Variants in CDH9 observed in about 807,000 individuals in gnomAD.
CDH9 encodes the protein cadherin-9.
CDH9 carries 28 observed loss-of-function variants against 70.9 expected under a neutral mutation model. The observed-to-expected ratio is 0.40, with a 90% CI of 0.29 to 0.54. The LOEUF is 0.54. Ranked by LOEUF, CDH9 falls within the 20% of genes least tolerant of loss-of-function variation. The probability of loss-of-function intolerance (pLI) is 0.59; values close to 1 mark genes in which losing one functional copy is unlikely to be tolerated. For synonymous variants in CDH9, 409 were observed against 343.1 expected, an observed-to-expected ratio of 1.19 and a Z score of -2.12; for missense variants, 874 against 984.4, an observed-to-expected ratio of 0.89 and a Z score of 1.50.
chr5:27,029,239 T>G (rs1451826082), intron 1 of CDH9, among the ~76,000 whole-genome samples: 1 of 152,014 alleles, frequency 6.6e-6, no homozygotes, highest in Admixed American at 6.6e-5. Flanking sequence ...AGATTATTGG[T>G]TTCAATTTTA....
At chr5:27,012,411 C>A (rs1742974671) in intron 1 of CDH9, among the ~76,000 whole-genome samples, 1 of 151,816 alleles carries the variant, frequency 6.6e-6, no homozygotes, top group Admixed American at 6.6e-5. Flanking sequence ...AATCTCTTTT[C>A]TTCAGTCTAT....
chr5:26,913,176 T>C (rs1245901784), intron 3 of CDH9, among the ~76,000 whole-genome samples: 2 of 152,142 alleles, frequency 1.3e-5, no homozygotes, highest in Non-Finnish European at 2.9e-5. Context: ...ATTAGGCTAG[T>C]AGTAACTTGG....
At chr5:26,951,291 CA>C (rs796799417) in intron 2 of CDH9, among the ~76,000 whole-genome samples, 181 of 86,148 alleles carry the variant, frequency 2.1e-3, no homozygotes, top group African/African-American at 8.4e-3. Flanking sequence ...GACTCTGTCT[CA>C]AAAAAAAAAA....
At chr5:26,900,881 T>C (rs767638984) in intron 7 of CDH9, among the ~76,000 whole-genome samples, 8 of 152,024 alleles carry the variant, frequency 5.3e-5, no homozygotes, top group Non-Finnish European at 1.2e-4. Flanking sequence ...CAACCCCTTG[T>C]CCTTTAAAAA....
chr5:27,011,479 G>A (rs1323765595), intron 1 of CDH9, among the ~76,000 whole-genome samples: 2 of 151,990 alleles, frequency 1.3e-5, no homozygotes, highest in Non-Finnish European at 2.9e-5. Flanking sequence ...AGCTAGAAAA[G>A]ACAAAGAAAG....
chr5:27,012,354 G>A lies in CDH9; in HGVS notation c.-49-23972C>T, dbSNP rs115733733. Reference sequence around the variant, plus strand: ...GATGGCAATTATGAATATTTCATTAGGATTTTATCTAAATAATCTATTATT... The same window carrying A: ...GATGGCAATTATGAATATTTCATTAAGATTTTATCTAAATAATCTATTATT... On this transcript the variant is annotated intron_variant, in intron 1 of 11. Transcript: ENST00000231021. 9.2e-3 allele frequency among the ~76,000 whole-genome samples: 1,390 copies of A among 151,768 alleles called. 29 individuals are homozygous for A. Among genetic ancestry groups the A allele is most frequent in the African/African-American group, 0.032 (1,313 of 41,426 alleles).
intron 2 of CDH9, among the ~76,000 whole-genome samples, chr5:26,985,262 G>C (rs1158319499): frequency 1.3e-5 from 2 of 151,888 alleles, no homozygotes; most frequent in African/African-American, 2.4e-5. Context: ...AATATTTCTA[G>C]CTCTTCTTGT....
rs897360043 is a variant in CDH9, at chr5:27,032,971, T to G, written c.-50+5492A>C. ...TAGTTTGAGATAGCATTAACTTCTA[T>G]GTTATATATTTCTCATCCACTGTAA... On this transcript the variant is annotated intron_variant, in intron 1 of 11. Transcript: ENST00000231021. Among the ~76,000 whole-genome samples, 5 of 151,380 alleles carry G rather than the reference T, an allele frequency of 3.3e-5. No individual in the cohort carries two copies. The East Asian group carries it at 9.8e-4, about 30-fold the overall frequency.
At chr5:26,925,251 G>A (rs1216526679) in intron 2 of CDH9, among the ~76,000 whole-genome samples, 2 of 152,084 alleles carry the variant, frequency 1.3e-5, no homozygotes, top group East Asian at 3.9e-4. Context: ...ATTCTAACTG[G>A]TGTGAGATAG....
At chr5:26,902,802 A>G in intron 6 of CDH9, 73 bp from the exon 7 acceptor site, 1 of 807,038 alleles carries the variant, frequency 1.2e-6, no homozygotes, top group Non-Finnish European at 2.0e-6. Flanking sequence ...TTCAAATTTT[A>G]ATAGCCAGCG....
intron 2 of CDH9, among the ~76,000 whole-genome samples, chr5:26,930,906 GC>G (rs754763634): frequency 3.3e-4 from 50 of 151,926 alleles, no homozygotes; most frequent in Non-Finnish European, 6.8e-4. Flanking sequence ...AGACATATTA[GC>G]TTGTATCTTT....
intron 1 of CDH9, among the ~76,000 whole-genome samples, chr5:27,033,614 A>T (rs1025344438): frequency 1.3e-5 from 2 of 151,528 alleles, no homozygotes; most frequent in African/African-American, 4.8e-5. Context: ...TCTGCGGTTT[A>T]CTTACCATTA....
chr5:26,959,797 T>C (rs988782668), intron 2 of CDH9, among the ~76,000 whole-genome samples: 1 of 152,026 alleles, frequency 6.6e-6, no homozygotes, highest in Non-Finnish European at 1.5e-5. Context: ...ATAAAATAAA[T>C]ACAAAATATC....
intron 2 of CDH9, among the ~76,000 whole-genome samples, chr5:26,934,007 T>A (rs1024050691): frequency 6.6e-6 from 1 of 152,076 alleles, no homozygotes. Context: ...TCAGGTTGTA[T>A]AAGAAGCATG....
intron 5 of CDH9, among the ~76,000 whole-genome samples, chr5:26,904,066 T>A (rs1740904177): frequency 6.6e-6 from 1 of 151,942 alleles, no homozygotes; most frequent in African/African-American, 2.4e-5. Flanking sequence ...GTCCCAAATT[T>A]ATTTAGACTA....
intron 2 of CDH9, among the ~76,000 whole-genome samples, chr5:26,941,371 G>A (rs1448838562): frequency 6.6e-6 from 1 of 152,146 alleles, no homozygotes; most frequent in Non-Finnish European, 1.5e-5. Context: ...GAAACCATGA[G>A]GAAACATCTG....
chr5:26,907,029 T>C (rs965342156), intron 3 of CDH9, among the ~76,000 whole-genome samples, 191 bp from the exon 4 acceptor site: 8 of 152,156 alleles, frequency 5.3e-5, no homozygotes, highest in Admixed American at 6.5e-5. Flanking sequence ...TGTTTCTTAA[T>C]TTTTTTGTTT....
intron 1 of CDH9, among the ~76,000 whole-genome samples, chr5:26,990,517 G>A (rs1742562901): frequency 6.6e-6 from 1 of 152,150 alleles, no homozygotes; most frequent in African/African-American, 2.4e-5. Context: ...TTGTAATCCT[G>A]TAAACTGTGG....
At chr5:26,995,398 T>C (rs566806869) in intron 1 of CDH9, among the ~76,000 whole-genome samples, 4 of 152,262 alleles carry the variant, frequency 2.6e-5, no homozygotes, top group African/African-American at 9.6e-5. Context: ...TCTGCAGTGA[T>C]GTAGAGTAAT....
Sources: gnomAD v4.1 joint callset for allele counts (sites outside exome capture counted in the v4.1 genomes callset) on GRCh38, gnomAD v4.1.1 for gene constraint, MANE v1.5 for transcripts, NCBI Gene and HGNC (gene_info 2026-07-23, HGNC 2026-07-21) for gene names.